SMIM14: variants seen among roughly 807,000 people sequenced by gnomAD.
The protein encoded by SMIM14 is small integral membrane protein 14, also known as chromosome 4 open reading frame 34.
Under a neutral mutation model 12.6 loss-of-function variants are expected in SMIM14, and 5 were observed. The observed-to-expected ratio is 0.40, with a 90% CI of 0.21 to 0.83. The LOEUF (loss-of-function observed/expected upper bound fraction) is 0.83, where lower values mean the gene tolerates loss of function less well. SMIM14 is among the 40% of genes least tolerant of loss of function. The pLI, the probability that SMIM14 is intolerant of heterozygous loss-of-function variation, is 0.37. For missense variants in SMIM14, 86 were observed against 119.1 expected (o/e 0.72, Z 1.29); for synonymous variants, 30 against 40.1 (o/e 0.75, Z 0.95).
At chr4:39,570,390 C>A (rs1404526276) in intron 3 of SMIM14, among the ~76,000 whole-genome samples, 1 of 152,062 alleles carries the variant, frequency 6.6e-6, no homozygotes, top group Non-Finnish European at 1.5e-5. Flanking sequence ...AACTCCTGGC[C>A]TCAACTGATC....
At chr4:39,634,054 A>G (rs1716004619) in intron 1 of SMIM14, among the ~76,000 whole-genome samples, 1 of 152,136 alleles carries the variant, frequency 6.6e-6, no homozygotes, top group Non-Finnish European at 1.5e-5. Context: ...TCAGCCTCCC[A>G]AGTAGCTGGG....
chr4:39,631,331 CA>C (rs34691180), intron 1 of SMIM14, among the ~76,000 whole-genome samples: 81,967 of 133,194 alleles, frequency 0.62, 23,749 homozygotes, highest in East Asian at 0.78. Context: ...GACTCCATCT[CA>C]AAAAAAAAAA....
At chr4:39,581,512 CTTTT>C (rs1157198382) in intron 2 of SMIM14, among the ~76,000 whole-genome samples, 1 of 133,760 alleles carries the variant, frequency 7.5e-6, no homozygotes, top group Admixed American at 8.6e-5. Flanking sequence ...TTTTCCTTTT[CTTTT>C]TCTTTTTTTT....
chr4:39,638,586 C>T (rs751428673), intron 1 of SMIM14, 153 bp downstream of exon 1: 390 of 980,640 alleles, frequency 4.0e-4, no homozygotes, highest in Non-Finnish European at 4.4e-4. Flanking sequence ...GGTGCAGAAT[C>T]GCCAGCCCGG....
intron 1 of SMIM14, among the ~76,000 whole-genome samples, chr4:39,611,619 A>G (rs1312303986): frequency 6.6e-6 from 1 of 152,038 alleles, no homozygotes; most frequent in Admixed American, 6.6e-5. Flanking sequence ...GGTTATAGTG[A>G]GCCGAGATTG....
intron 2 of SMIM14, among the ~76,000 whole-genome samples, chr4:39,574,322 C>T (rs1015918463): frequency 2.7e-5 from 4 of 150,166 alleles, no homozygotes; most frequent in African/African-American, 7.3e-5. Flanking sequence ...GGCGCAATCT[C>T]GGCTCACTGC....
intron 2 of SMIM14, among the ~76,000 whole-genome samples, chr4:39,586,426 T>C (rs947825742): frequency 6.6e-6 from 1 of 152,080 alleles, no homozygotes; most frequent in Non-Finnish European, 1.5e-5. Flanking sequence ...TCTTTGCTAC[T>C]TTGTAACAAA....
chr4:39,613,873 G>A (rs1453357381), intron 1 of SMIM14, among the ~76,000 whole-genome samples: 1 of 152,122 alleles, frequency 6.6e-6, no homozygotes, highest in East Asian at 1.9e-4. Flanking sequence ...TCTAAGTCAT[G>A]AAAACATAAA....
At chr4:39,629,061 A>G (rs959670147) in intron 1 of SMIM14, among the ~76,000 whole-genome samples, 4 of 151,966 alleles carry the variant, frequency 2.6e-5, no homozygotes, top group Admixed American at 6.6e-5. Context: ...AATCAGAAAC[A>G]GAAAAATTTA....
In SMIM14 at chr4:39,607,355, A is replaced by G. The variant is rs565439142; in HGVS notation, c.-35-2175T>C. 8.5e-5 allele frequency among the ~76,000 whole-genome samples: 13 copies of G among 152,368 alleles called. No individual in the cohort carries two copies. In the East Asian group the frequency reaches 2.3e-3, roughly 27 times the overall value. ...AAAACCATTCTGGTTAAAAGGTGGA[A>G]TAGGCAGATCAATAAAACAATTCAT... On this transcript the variant is annotated intron_variant, in intron 1 of 4. Coordinates refer to ENST00000295958, the MANE Select transcript of SMIM14 (RefSeq NM_174921.3).
chr4:39,634,499 C>A (rs143693587), intron 1 of SMIM14, among the ~76,000 whole-genome samples: 1 of 152,176 alleles, frequency 6.6e-6, no homozygotes, highest in Admixed American at 6.5e-5. Context: ...ACCTACATAT[C>A]TGAGTTGCTT....
In SMIM14 at chr4:39,610,788, G is replaced by A. The variant is rs1417751809; in HGVS notation, c.-35-5608C>T. Among the ~76,000 whole-genome samples, 6 of 151,528 alleles carry A rather than the reference G, an allele frequency of 4.0e-5. No homozygotes were observed. The East Asian group carries it at 7.7e-4, about 20-fold the overall frequency. On this transcript the variant is annotated intron_variant, in intron 1 of 4. Transcript: ENST00000295958. ...ATAAAATTTTAGGGACTAGAGTTTC[G>A]TTGTCAATTTTTACATTTCTTATGA...
chr4:39,549,824 G>A lies in SMIM14; in HGVS notation c.*2302C>T, dbSNP rs1014725042. On this transcript the variant is annotated 3_prime_UTR_variant, in exon 5 of 5. Transcript: ENST00000295958. ...AGGCTTCCAGTAGGCCACAGCAAGA[G>A]GAAAAACCTTTATTCTGTGGGGCTC... 2 of 152,172 alleles carry A rather than the reference G, an allele frequency of 1.3e-5. No individual in the cohort carries two copies. The highest frequency in any genetic ancestry group is 6.5e-5 in the Admixed American group (1 of 15,274). The allele number at this position is 152,172 out of a possible 1,614,324, so 9.4% of individuals were successfully genotyped here.
chr4:39,605,982 C>A (rs1440117176), intron 1 of SMIM14, among the ~76,000 whole-genome samples: 1 of 152,142 alleles, frequency 6.6e-6, no homozygotes, highest in African/African-American at 2.4e-5. Context: ...AGGTGATCTG[C>A]CCACCTCGGC....
At chr4:39,563,517 G>C (rs1397967687) in intron 3 of SMIM14, among the ~76,000 whole-genome samples, 1 of 152,236 alleles carries the variant, frequency 6.6e-6, no homozygotes, top group Non-Finnish European at 1.5e-5. Context: ...TTTTTTAAAA[G>C]CTTTCCAAAT....
intron 1 of SMIM14, among the ~76,000 whole-genome samples, chr4:39,628,837 A>G (rs1345193564): frequency 1.4e-5 from 2 of 147,616 alleles, no homozygotes; most frequent in Non-Finnish European, 3.0e-5. Context: ...GGTCCAAGTG[A>G]TTCTCCTGCC....
chr4:39,619,789 T>C (rs1309082431), intron 1 of SMIM14, among the ~76,000 whole-genome samples: 1 of 140,100 alleles, frequency 7.1e-6, no homozygotes, highest in Non-Finnish European at 1.5e-5. Context: ...ATTATATATA[T>C]TTATATATAT....
intron 1 of SMIM14, among the ~76,000 whole-genome samples, chr4:39,608,798 A>G (rs1428096532): frequency 6.6e-6 from 1 of 152,180 alleles, no homozygotes; most frequent in Non-Finnish European, 1.5e-5. Context: ...ATTTTGTTAT[A>G]TTTTACCCCA....
chr4:39,636,826 G>C (rs1716110119), intron 1 of SMIM14, among the ~76,000 whole-genome samples: 2 of 152,112 alleles, frequency 1.3e-5, no homozygotes, highest in Non-Finnish European at 2.9e-5. Flanking sequence ...GTAAGAGACT[G>C]ACAATAGTTA....
Sources: allele counts gnomAD v4.1 joint callset (sites outside exome capture counted in the v4.1 genomes callset), GRCh38; gene constraint gnomAD v4.1.1; transcripts MANE v1.5; gene names NCBI Gene and HGNC (gene_info 2026-07-23, HGNC 2026-07-21).